The following SDK1 variants were observed in gnomAD, a reference collection of about 807,000 sequenced individuals.
The protein encoded by SDK1 is sidekick cell adhesion molecule 1.
In SDK1, 157 loss-of-function variants were observed where a neutral mutation model predicts 245.5. The observed-to-expected ratio is 0.64, with a 90% confidence interval of 0.56 to 0.73. The LOEUF (loss-of-function observed/expected upper bound fraction) is 0.73. SDK1 is among the 30% of genes least tolerant of loss of function. The probability of loss-of-function intolerance (pLI) is 0.00; values close to 1 mark genes in which losing one functional copy is unlikely to be tolerated. For missense variants in SDK1, 3,583 were observed against 3,002.3 expected (o/e 1.19, Z -4.52); for synonymous variants, 1,647 against 1,278.5 (o/e 1.29, Z -6.15).
chr7:3,469,873 T>G (rs766883037), intron 1 of SDK1, among the ~76,000 whole-genome samples: 1 of 152,200 alleles, frequency 6.6e-6, no homozygotes, highest in Non-Finnish European at 1.5e-5. Context: ...GTAAAGTGTT[T>G]CTCTGAATTA....
chr7:3,892,553 A>C (rs1303790507), intron 5 of SDK1, among the ~76,000 whole-genome samples: 1 of 152,236 alleles, frequency 6.6e-6, no homozygotes, highest in African/African-American at 2.4e-5. Context: ...AGTCACGATG[A>C]GGAGAGGGCA....
intron 4 of SDK1, among the ~76,000 whole-genome samples, chr7:3,702,135 T>C (rs1159648256): frequency 1.3e-5 from 2 of 152,106 alleles, no homozygotes; most frequent in Non-Finnish European, 2.9e-5. Flanking sequence ...AAAAATTCAA[T>C]AAGTTGGAAT....
At chr7:3,798,162 T>C (rs1779011436) in intron 4 of SDK1, among the ~76,000 whole-genome samples, 1 of 151,230 alleles carries the variant, frequency 6.6e-6, no homozygotes, top group East Asian at 1.9e-4. Context: ...TCACCATGTC[T>C]CTGTAGACTT....
chr7:4,233,148 C>T, intron 40 of SDK1, 107 bp from the exon 41 acceptor site: 5 of 1,027,150 alleles, frequency 4.9e-6, no homozygotes, highest in South Asian at 3.0e-5. Context: ...GCCCCTGATG[C>T]CTCATCCAGG....
chr7:4,109,818 A>T (rs1048718651), intron 22 of SDK1, among the ~76,000 whole-genome samples: 1 of 152,166 alleles, frequency 6.6e-6, no homozygotes, highest in African/African-American at 2.4e-5. Context: ...GAGCACAAGG[A>T]TGAGTGAGAG....
intron 1 of SDK1, among the ~76,000 whole-genome samples, chr7:3,356,027 T>C (rs1177673387): frequency 1.3e-5 from 2 of 152,212 alleles, no homozygotes; most frequent in African/African-American, 2.4e-5. Flanking sequence ...ATAGTGCTTA[T>C]AGGCCATAGT....
chr7:3,441,424 TTG>T (rs1234647599), intron 1 of SDK1, among the ~76,000 whole-genome samples: 1 of 152,190 alleles, frequency 6.6e-6, no homozygotes, highest in Non-Finnish European at 1.5e-5. Flanking sequence ...AAATCTCTTT[TTG>T]TGTGTGTACA....
chr7:3,800,468 G>T (rs943034434), intron 4 of SDK1, among the ~76,000 whole-genome samples: 1 of 151,946 alleles, frequency 6.6e-6, no homozygotes, highest in African/African-American at 2.4e-5. Flanking sequence ...TGCAACTTCT[G>T]CCTCCTGGGT....
At chr7:4,126,336 C>T (rs1188075292) in intron 25 of SDK1, among the ~76,000 whole-genome samples, 1 of 152,226 alleles carries the variant, frequency 6.6e-6, no homozygotes, top group African/African-American at 2.4e-5. Flanking sequence ...TGCTTTTATA[C>T]ATATTATATC....
intron 1 of SDK1, among the ~76,000 whole-genome samples, chr7:3,547,661 C>T (rs766367579): frequency 3.9e-5 from 6 of 152,212 alleles, no homozygotes; most frequent in East Asian, 1.9e-4. Flanking sequence ...CCTGGCCCTT[C>T]ATCTTGACTG....
At chr7:4,103,296 G>A (rs1480806559) in intron 22 of SDK1, among the ~76,000 whole-genome samples, 3 of 152,272 alleles carry the variant, frequency 2.0e-5, no homozygotes, top group Admixed American at 6.5e-5. Context: ...CACCGCGCCC[G>A]GCCCCCCACA....
At chr7:3,732,000 C>G (rs1387608226) in intron 4 of SDK1, among the ~76,000 whole-genome samples, 1 of 152,212 alleles carries the variant, frequency 6.6e-6, no homozygotes, top group Admixed American at 6.5e-5. Context: ...CCGTGTTGGT[C>G]AGGGTGGTCT....
At chr7:4,203,561 G>A (rs954231282) in intron 35 of SDK1, among the ~76,000 whole-genome samples, 5 of 151,358 alleles carry the variant, frequency 3.3e-5, no homozygotes, top group Admixed American at 3.3e-4. Context: ...AAGCTGGTAT[G>A]TATGTCATCC....
intron 5 of SDK1, among the ~76,000 whole-genome samples, chr7:3,887,795 C>T (rs930653038): frequency 5.9e-5 from 9 of 152,184 alleles, no homozygotes; most frequent in African/African-American, 2.2e-4. Flanking sequence ...AGTACTCAGC[C>T]ATTGTTCTCA....
chr7:4,208,485 A>G (rs1784355841), intron 37 of SDK1, among the ~76,000 whole-genome samples, 200 bp downstream of exon 37: 1 of 152,220 alleles, frequency 6.6e-6, no homozygotes, highest in African/African-American at 2.4e-5. Context: ...ACTGGTACAC[A>G]GTGGCGCTAA....
At chr7:4,175,867 C>G (rs371415919) in intron 34 of SDK1, 33 bp downstream of exon 34, 13 of 1,589,600 alleles carry the variant, frequency 8.2e-6, no homozygotes, top group African/African-American at 1.3e-5. Context: ...GCCCATGCCG[C>G]GAGGCGCACA....
At chr7:3,304,205 G>A (rs1779357507) in intron 1 of SDK1, among the ~76,000 whole-genome samples, 1 of 152,178 alleles carries the variant, frequency 6.6e-6, no homozygotes, top group Non-Finnish European at 1.5e-5. Flanking sequence ...ATGCGGTGAT[G>A]AGAATTTCTG....
chr7:3,586,619 G>T (rs189565280), intron 1 of SDK1, among the ~76,000 whole-genome samples: 1 of 151,312 alleles, frequency 6.6e-6, no homozygotes, highest in South Asian at 2.1e-4. Context: ...GCAGGAGAAT[G>T]GCATGAACCC....
In SDK1 at chr7:3,424,270, G is replaced by T. The variant is rs553960602; in HGVS notation, c.298+122386G>T. 1.2e-3 allele frequency among the ~76,000 whole-genome samples: 176 copies of T among 152,248 alleles called. 2 individuals are homozygous for T. The South Asian group carries it at 0.028, about 24-fold the overall frequency. The stretch of plus-strand genomic sequence containing the variant: ...GTTCATTTTGAACAAATTGTAAGAA[G>T]ATTATTTTGTGCCCATATGTGTGAT... On this transcript the variant is annotated intron_variant, in intron 1 of 44. Transcript: ENST00000404826.
Sources: gnomAD v4.1 joint callset for allele counts (sites outside exome capture counted in the v4.1 genomes callset) on GRCh38, gnomAD v4.1.1 for gene constraint, MANE v1.5 for transcripts, NCBI Gene and HGNC (gene_info 2026-07-23, HGNC 2026-07-21) for gene names.